Variants in SCO1 observed in about 807,000 individuals in gnomAD.
SCO1 encodes synthesis of cytochrome C oxidase 1, also known as cytochrome c oxidase assembly factor SCO1.
In SCO1, 23 loss-of-function variants were observed where a neutral mutation model predicts 34.0. That is an observed-to-expected ratio of 0.68 (90% CI 0.49 to 0.96). The LOEUF is 0.96. Ranked by LOEUF, SCO1 falls within the 40% of genes least tolerant of loss-of-function variation. The probability of loss-of-function intolerance (pLI) is 0.00; values close to 1 mark genes in which losing one functional copy is unlikely to be tolerated. For synonymous variants in SCO1, 161 were observed against 145.5 expected (o/e 1.11, Z -0.77); for missense variants, 404 against 381.6 (o/e 1.06, Z -0.49).
chr17:10,684,786 A>T (rs1216013658), intron 5 of SCO1, among the ~76,000 whole-genome samples: 1 of 152,208 alleles, frequency 6.6e-6, no homozygotes, highest in Non-Finnish European at 1.5e-5. Flanking sequence ...AACTCTCTAT[A>T]AAGACAGAAG....
Position 10,680,767 on chromosome 17 carries a change from G to A in SCO1, c.*352C>T. The A allele has an allele frequency of 5.5e-6, 2 of 366,460 alleles. No homozygotes were observed. Among genetic ancestry groups the A allele is most frequent in the Non-Finnish European group, 1.0e-5 (2 of 194,236 alleles). 22.7% of individuals were successfully genotyped at this position (366,460 alleles called of 1,614,324 possible). A position where few individuals can be genotyped will look rare whatever the true frequency, so the allele number is the denominator to read the frequency against. On this transcript the variant is annotated 3_prime_UTR_variant, in exon 6 of 6. Coordinates refer to ENST00000255390, the MANE Select transcript of SCO1 (RefSeq NM_004589.4). ...TATTTGAGCAAGGGCCCAAGACGATGGAGAGGCGGCAAAGCTGCTGGGAGG... is the reference window on the plus strand; with the variant it reads ...TATTTGAGCAAGGGCCCAAGACGATAGAGAGGCGGCAAAGCTGCTGGGAGG...
In SCO1 at chr17:10,686,666, C is replaced by A. The variant is rs1325867030; in HGVS notation, c.771+61G>T. 7 of 962,984 alleles carry A rather than the reference C, an allele frequency of 7.3e-6. No individual in the cohort carries two copies. The South Asian group carries it at 8.9e-5, about 12-fold the overall frequency. 59.7% of individuals were successfully genotyped at this position (962,984 alleles called of 1,614,324 possible). On this transcript the variant is annotated intron_variant, in intron 5 of 5. Coordinates refer to ENST00000255390, the MANE Select transcript of SCO1 (RefSeq NM_004589.4). The stretch of plus-strand genomic sequence containing the variant: ...TCAGAAGCTAGTCAGTCATTGAAAG[C>A]CTTATGACTATTTGGGATCTGGGAG...
intron 5 of SCO1, among the ~76,000 whole-genome samples, chr17:10,684,310 T>C (rs770497084): frequency 2.6e-5 from 4 of 152,216 alleles, no homozygotes; most frequent in Non-Finnish European, 5.9e-5. Context: ...CACTGGCACC[T>C]AGCTGCCCAC....
intron 4 of SCO1, among the ~76,000 whole-genome samples, chr17:10,690,162 G>C (rs1394513229): frequency 6.6e-6 from 1 of 152,022 alleles, no homozygotes; most frequent in African/African-American, 2.4e-5. Context: ...AAGGCCTCAA[G>C]AGCACAGGCA....
At chr17:10,689,382 C>T (rs1338346192) in intron 4 of SCO1, among the ~76,000 whole-genome samples, 2 of 151,910 alleles carry the variant, frequency 1.3e-5, no homozygotes. Flanking sequence ...TTTAAATAAC[C>T]TCAAAGTTTA....
At chr17:10,695,541 T>C (rs528679408) in intron 2 of SCO1, 200 bp downstream of exon 2, 3 of 528,876 alleles carry the variant, frequency 5.7e-6, no homozygotes, top group South Asian at 4.3e-5. Context: ...TTCTTAGTCA[T>C]GAAAAATGTG....
intron 5 of SCO1, among the ~76,000 whole-genome samples, chr17:10,681,481 G>C (rs150464573): frequency 6.6e-6 from 1 of 152,318 alleles, no homozygotes; most frequent in East Asian, 1.9e-4. Flanking sequence ...TGTCACATCA[G>C]CTAGAACCTG....
chr17:10,695,627 T>G (rs2074716475), intron 2 of SCO1, 114 bp downstream of exon 2: 1 of 746,180 alleles, frequency 1.3e-6, no homozygotes, highest in South Asian at 1.5e-5. Context: ...CTTTGCAATT[T>G]TTTGGTAAAT....
chr17:10,690,159 C>T (rs1405441311), intron 4 of SCO1, among the ~76,000 whole-genome samples: 1 of 152,050 alleles, frequency 6.6e-6, no homozygotes, highest in Non-Finnish European at 1.5e-5. Context: ...GATAAGGCCT[C>T]AAGAGCACAG....
intron 5 of SCO1, among the ~76,000 whole-genome samples, chr17:10,682,281 AG>A (rs2074626753): frequency 6.6e-6 from 1 of 152,192 alleles, no homozygotes. Flanking sequence ...TATGTCTGTG[AG>A]GGTATTATTT....
At position 10,679,300 on chromosome 17, in the gene SCO1, C is replaced by G. The variant is rs781129132; in HGVS notation, c.*1819G>C. 2.0e-5 allele frequency: 3 copies of G among 152,136 alleles called. No individual in the cohort carries two copies. Among genetic ancestry groups the G allele is most frequent in the Non-Finnish European group, 2.9e-5 (2 of 68,032 alleles). The allele number at this position is 152,136 out of a possible 1,614,324, so 9.4% of individuals were successfully genotyped here. Reference sequence around the variant, plus strand: ...TATAGAATTAGGGCCAACCTAGCAGCCTCATTTTAATTTAACTATCTCTCT... The same window carrying G: ...TATAGAATTAGGGCCAACCTAGCAGGCTCATTTTAATTTAACTATCTCTCT... On this transcript the variant is annotated 3_prime_UTR_variant, in exon 6 of 6. Transcript: ENST00000255390.
intron 3 of SCO1, 141 bp downstream of exon 3, chr17:10,692,623 C>T (rs1300207975): frequency 9.6e-6 from 7 of 729,076 alleles, no homozygotes; most frequent in Non-Finnish European, 2.4e-6. Flanking sequence ...TTCAAAGCAA[C>T]AAACAAGCCA....
rs545631303 is a variant in SCO1 at position 10,693,942 on chromosome 17, T to C, written c.365-981A>G. On this transcript the variant is annotated intron_variant, in intron 2 of 5. Coordinates refer to ENST00000255390, the MANE Select transcript of SCO1 (RefSeq NM_004589.4). ...TATAAATAAATGAATACATTGATAG[T>C]GGGATGGGGAACAGAATATGTAAGT... Among the ~76,000 whole-genome samples, 19 of 152,282 alleles carry C rather than the reference T, an allele frequency of 1.2e-4. No individual in the cohort carries two copies. In the South Asian group the frequency reaches 3.9e-3, roughly 32 times the overall value.
At chr17:10,689,983 C>T (rs2151455713) in intron 4 of SCO1, among the ~76,000 whole-genome samples, 1 of 152,180 alleles carries the variant, frequency 6.6e-6, no homozygotes, top group African/African-American at 2.4e-5. Flanking sequence ...ACTAGGAAAA[C>T]GGGATATCCC....
chr17:10,688,944 G>A (rs1380218995), intron 4 of SCO1, among the ~76,000 whole-genome samples: 8 of 144,684 alleles, frequency 5.5e-5, no homozygotes, highest in East Asian at 1.9e-4. Context: ...GTGAAACCCC[G>A]TCTCTACTAA....
chr17:10,692,731 T>G (rs764784781), intron 3 of SCO1, 33 bp downstream of exon 3: 8 of 1,538,192 alleles, frequency 5.2e-6, no homozygotes, highest in African/African-American at 1.4e-5. Context: ...GAAGTAAACA[T>G]ATACTTTGTT....
chr17:10,694,255 A>G (rs553428662), intron 2 of SCO1, among the ~76,000 whole-genome samples: 2 of 152,362 alleles, frequency 1.3e-5, no homozygotes, highest in East Asian at 3.9e-4. Context: ...AAAGCTGTCA[A>G]GGTTGTGGGA....
rs983494943 is a variant in SCO1, at chr17:10,680,326, T to C, written c.*793A>G. 6.6e-6 allele frequency: 1 copy of C among 152,416 alleles called. No homozygotes were observed. Among genetic ancestry groups the C allele is most frequent in the African/African-American group, 2.4e-5 (1 of 41,460 alleles). The allele number at this position is 152,416 out of a possible 1,614,324, so 9.4% of individuals were successfully genotyped here. ...ACCCACTCATCACCCATGAAAAAGATCACGCTTGTCTGAACAGCAAAACTG... is the reference window on the plus strand; with the variant it reads ...ACCCACTCATCACCCATGAAAAAGACCACGCTTGTCTGAACAGCAAAACTG... On this transcript the variant is annotated 3_prime_UTR_variant, in exon 6 of 6. Transcript: ENST00000255390.
chr17:10,682,396 T>C (rs991481104), intron 5 of SCO1, among the ~76,000 whole-genome samples: 29 of 152,188 alleles, frequency 1.9e-4, no homozygotes, highest in Admixed American at 6.5e-5. Context: ...TTCCAAGTGC[T>C]GTGGGATAGT....
Sources: gnomAD v4.1 joint callset for allele counts (sites outside exome capture counted in the v4.1 genomes callset) on GRCh38, gnomAD v4.1.1 for gene constraint, MANE v1.5 for transcripts, NCBI Gene and HGNC (gene_info 2026-07-23, HGNC 2026-07-21) for gene names.